ARFIP1: variants seen among roughly 807,000 people sequenced by gnomAD.
The protein encoded by ARFIP1 is ARF interacting protein 1.
In ARFIP1, 24 loss-of-function variants were observed where a neutral mutation model predicts 42.5. The observed-to-expected ratio is 0.57, with a 90% CI of 0.41 to 0.80. The LOEUF (loss-of-function observed/expected upper bound fraction) is 0.80. Among genes scored for constraint, ARFIP1 ranks in the 30% least tolerant of loss-of-function variants. The pLI is 0.00. For missense variants in ARFIP1, 354 were observed against 434.0 expected (o/e 0.82, Z 1.64); for synonymous variants, 141 against 153.7 (o/e 0.92, Z 0.61).
chr4:152,816,403 A>T (rs1301636447), intron 1 of ARFIP1, among the ~76,000 whole-genome samples: 1 of 152,140 alleles, frequency 6.6e-6, no homozygotes, highest in African/African-American at 2.4e-5. Flanking sequence ...ATTCCTTGAA[A>T]AGCTGAGCAT....
chr4:152,833,576 A>G (rs1250079498), intron 2 of ARFIP1, among the ~76,000 whole-genome samples: 1 of 152,266 alleles, frequency 6.6e-6, no homozygotes, highest in Admixed American at 6.5e-5. Flanking sequence ...TGTTCTTTGC[A>G]GCATTATAAA....
chr4:152,883,789 T>C (rs1285669195), intron 7 of ARFIP1, among the ~76,000 whole-genome samples: 2 of 151,744 alleles, frequency 1.3e-5, no homozygotes, highest in East Asian at 3.8e-4. Flanking sequence ...TTTTTCCCCA[T>C]ATGCCCTACC....
At chr4:152,885,936 A>G (rs1034965671) in intron 7 of ARFIP1, among the ~76,000 whole-genome samples, 12 of 151,984 alleles carry the variant, frequency 7.9e-5, no homozygotes, top group Middle Eastern at 3.4e-3. Context: ...TTTTGTGGAG[A>G]TTTTTGTTCA....
chr4:152,907,280 A>G (rs1394594435), intron 8 of ARFIP1, among the ~76,000 whole-genome samples: 1 of 152,222 alleles, frequency 6.6e-6, no homozygotes, highest in African/African-American at 2.4e-5. Flanking sequence ...AAATGGGAAC[A>G]TTGTGAACAG....
At chr4:152,901,152 A>G (rs1737799965) in intron 8 of ARFIP1, among the ~76,000 whole-genome samples, 1 of 152,264 alleles carries the variant, frequency 6.6e-6, no homozygotes. Flanking sequence ...GGAAGGTCAT[A>G]TAATCTAAAT....
intron 5 of ARFIP1, among the ~76,000 whole-genome samples, chr4:152,877,077 G>C (rs1288051766): frequency 1.3e-5 from 2 of 152,128 alleles, no homozygotes; most frequent in Admixed American, 1.3e-4. Flanking sequence ...TGCGATCAGA[G>C]CCCCCCACAC....
rs771661005 is a variant in ARFIP1 at position 152,847,124 on chromosome 4, CT to C, written c.94-16458del. ...GTATGTTAATGTTTTTAGGTTTGTT[CT>C]TTTTTTTTTTTTTTTTTTTTTTTGA... On this transcript the variant is annotated intron_variant, in intron 2 of 8. Coordinates refer to ENST00000353617, the MANE Select transcript of ARFIP1 (RefSeq NM_001025595.3). Among the ~76,000 whole-genome samples the C allele has an allele frequency of 4.2e-3, 169 of 40,564 alleles. 1 individual carries two copies. Among genetic ancestry groups the C allele is most frequent in the East Asian group, 9.2e-3 (13 of 1,410 alleles). The allele number at this position is 40,564 out of a possible 152,430, so 26.6% of individuals were successfully genotyped here.
chr4:152,797,177 A>G (rs11099855), intron 1 of ARFIP1, among the ~76,000 whole-genome samples: 20,932 of 152,142 alleles, frequency 0.14, 1,529 homozygotes, highest in African/African-American at 0.18. Context: ...ATCGAATTTT[A>G]TATTTTCCAG....
rs1734378936 is a variant in ARFIP1 at position 152,866,564 on chromosome 4, TGGACGGGGCGGCTGGCC to T, written c.202+2853_202+2869del. ...CGGGGGCTGACCCCCACCTCCCTCC[TGGACGGGGCGGCTGGCC>T]GGGCGGGGGCTGACCCCCACCTCTC... On this transcript the variant is annotated intron_variant, in intron 3 of 8. Transcript: ENST00000353617. 2.0e-5 allele frequency among the ~76,000 whole-genome samples: 2 copies of T among 102,060 alleles called. 1 individual carries two copies. The highest frequency in any genetic ancestry group is 4.1e-5 in the Non-Finnish European group (2 of 48,542). The allele number at this position is 102,060 out of a possible 152,430, so 67.0% of individuals were successfully genotyped here.
chr4:152,875,631 A>G (rs1735268119), intron 5 of ARFIP1, among the ~76,000 whole-genome samples: 1 of 151,266 alleles, frequency 6.6e-6, no homozygotes, highest in East Asian at 1.9e-4. Flanking sequence ...TACCTTCTCT[A>G]TCCCTTACCT....
intron 1 of ARFIP1, among the ~76,000 whole-genome samples, chr4:152,815,738 C>CTTTT (rs1218298842): frequency 4.9e-3 from 418 of 85,558 alleles, no homozygotes; most frequent in Middle Eastern, 0.018. Context: ...CTGACCACTT[C>CTTTT]TTTTTTTTTT....
chr4:152,871,848 C>CT (rs1213818330), intron 4 of ARFIP1, among the ~76,000 whole-genome samples: 7 of 151,472 alleles, frequency 4.6e-5, no homozygotes, highest in Admixed American at 2.6e-4. Flanking sequence ...GTTTTCTTAC[C>CT]TTTTTTTTGT....
chr4:152,880,212 G>A (rs766025433), intron 5 of ARFIP1, among the ~76,000 whole-genome samples: 45 of 152,036 alleles, frequency 3.0e-4, no homozygotes, highest in African/African-American at 8.7e-4. Flanking sequence ...GCTTGGTGGC[G>A]CACGCCTGTA....
chr4:152,851,366 C>G (rs1732964132), intron 2 of ARFIP1, among the ~76,000 whole-genome samples: 1 of 152,014 alleles, frequency 6.6e-6, no homozygotes, highest in South Asian at 2.1e-4. Context: ...GATGACCTAG[C>G]CAGATAAAGG....
At chr4:152,848,987 G>A (rs1732776776) in intron 2 of ARFIP1, among the ~76,000 whole-genome samples, 1 of 152,166 alleles carries the variant, frequency 6.6e-6, no homozygotes, top group African/African-American at 2.4e-5. Flanking sequence ...AAATATGTAT[G>A]TTGATCCCTT....
intron 2 of ARFIP1, among the ~76,000 whole-genome samples, chr4:152,833,349 T>C (rs933838825): frequency 1.3e-5 from 2 of 152,088 alleles, no homozygotes; most frequent in Non-Finnish European, 2.9e-5. Flanking sequence ...TATCAGTTCA[T>C]ACCTATTAGG....
intron 2 of ARFIP1, among the ~76,000 whole-genome samples, chr4:152,859,003 GACCA>G (rs1274080265): frequency 6.6e-6 from 1 of 152,108 alleles, no homozygotes; most frequent in East Asian, 1.9e-4. Flanking sequence ...TGAGACCCAA[GACCA>G]ATATTTTTCT....
At chr4:152,860,091 G>T (rs1165245190) in intron 2 of ARFIP1, among the ~76,000 whole-genome samples, 1 of 152,054 alleles carries the variant, frequency 6.6e-6, no homozygotes, top group Non-Finnish European at 1.5e-5. Context: ...GTCTCCAGAA[G>T]AGTTCTATTT....
chr4:152,808,036 AGTG>A (rs1196586224), intron 1 of ARFIP1, among the ~76,000 whole-genome samples: 1 of 151,952 alleles, frequency 6.6e-6, no homozygotes, highest in Non-Finnish European at 1.5e-5. Flanking sequence ...GCCGGAGTGC[AGTG>A]GCACGATCTT....
Sources: gnomAD v4.1 joint callset for allele counts (sites outside exome capture counted in the v4.1 genomes callset) on GRCh38, gnomAD v4.1.1 for gene constraint, MANE v1.5 for transcripts, NCBI Gene and HGNC (gene_info 2026-07-23, HGNC 2026-07-21) for gene names.